Variants in KNG1 observed in about 807,000 individuals in gnomAD.
KNG1 encodes the protein kininogen-1.
A neutral mutation model predicts 47.8 loss-of-function variants in KNG1; 23 were observed. The ratio of observed to expected loss-of-function variants is 0.48; its 90% CI spans 0.35 to 0.68. KNG1 has a LOEUF of 0.68. Among genes scored for constraint, KNG1 ranks in the 30% least tolerant of loss-of-function variants. The pLI is 0.01. For missense variants in KNG1, 762 were observed against 790.2 expected (o/e 0.96, Z 0.43); for synonymous variants, 277 against 277.0 (o/e 1.00, Z 0.00).
chr3:186,722,661 T>C (rs2108620670), intron 3 of KNG1, 140 bp downstream of exon 3: 2 of 735,234 alleles, frequency 2.7e-6, no homozygotes, highest in South Asian at 3.0e-5. Context: ...GAGCATTGGG[T>C]GGAGCGGCAG....
In KNG1 at chr3:186,735,145, C is replaced by T. The variant is rs1330380365; in HGVS notation, c.930+2471C>T. Among the ~76,000 whole-genome samples, 4 of 152,148 alleles carry T rather than the reference C, an allele frequency of 2.6e-5. No individual in the cohort carries two copies. The East Asian group carries it at 7.7e-4, about 29-fold the overall frequency. ...AGCTTTAACTTCTCACTTTATATTT[C>T]TGCTTTCTTGTGAAATTATTTTATT... On this transcript the variant is annotated intron_variant, in intron 7 of 9. Coordinates refer to ENST00000644859, the MANE Select transcript of KNG1 (RefSeq NM_001102416.3).
At chr3:186,737,146 G>A (rs746007902) in intron 7 of KNG1, among the ~76,000 whole-genome samples, 2 of 152,182 alleles carry the variant, frequency 1.3e-5, no homozygotes, top group Admixed American at 6.5e-5. Context: ...CCAATGCCAC[G>A]TATCATCAAT....
chr3:186,717,920 C>A (rs1177753895), intron 1 of KNG1, 183 bp downstream of exon 1: 140 of 529,496 alleles, frequency 2.6e-4, no homozygotes, highest in Admixed American at 1.2e-3. Context: ...CCACCATCCA[C>A]CACCACCCAC....
chr3:186,723,629 T>C (rs1244653408), intron 3 of KNG1, among the ~76,000 whole-genome samples: 1 of 152,192 alleles, frequency 6.6e-6, no homozygotes, highest in African/African-American at 2.4e-5. Context: ...TACTATTTCA[T>C]TGTGAGTATA....
Position 186,741,540 on chromosome 3 carries a change from C to T in KNG1, c.1144C>T (p.Pro382Ser). 1.2e-6 allele frequency: 2 copies of T among 1,609,948 alleles called. No homozygotes were observed. The highest frequency in any genetic ancestry group is 1.7e-6 in the Non-Finnish European group (2 of 1,178,974). Residue 382 changes from proline to serine, a missense_variant, in exon 10 of 10, where the codon CCT becomes TCT. Pro to Ser is a moderately conservative substitution (Grantham distance 74). Coordinates refer to ENST00000644859, the MANE Select transcript of KNG1 (RefSeq NM_001102416.3). ...TGTTTAGATCTCACTGATGAAAAGG[C>T]CTCCAGGTTTTTCACCTTTCCGATC... is the stretch of plus-strand genomic sequence containing the variant. The part of the protein sequence containing the change: ...PLGMISLMKR[P>S]PGFSPFRSSR...
chr3:186,735,351 C>G (rs1434683908), intron 7 of KNG1, among the ~76,000 whole-genome samples: 1 of 152,152 alleles, frequency 6.6e-6, no homozygotes, highest in African/African-American at 2.4e-5. Flanking sequence ...GGCGTGGTGG[C>G]TCATGCCTGT....
Position 186,727,353 on chromosome 3 carries a change from G to C in KNG1, c.672+9G>C. On this transcript the variant is annotated intron_variant, in intron 5 of 9. Transcript: ENST00000644859. The stretch of plus-strand genomic sequence containing the variant: ...AGTCCCTTTGGAATGGTGTAAGTAG[G>C]CAAAAATTTAATGATAAAGTTCTTA... The C allele has an allele frequency of 2.0e-6, 3 of 1,513,140 alleles. No homozygotes were observed. Among genetic ancestry groups the C allele is most frequent in the Non-Finnish European group, 2.8e-6 (3 of 1,088,242 alleles). The allele number at this position is 1,513,140 out of a possible 1,614,324, so 93.7% of individuals were successfully genotyped here.
intron 2 of KNG1, chr3:186,722,082 A>G (rs1720215768): frequency 5.0e-6 from 1 of 200,170 alleles, no homozygotes; most frequent in African/African-American, 2.6e-5. Flanking sequence ...GCACTGTTGC[A>G]CTCCAGCCTG....
At chr3:186,732,802 T>C in intron 7 of KNG1, 128 bp downstream of exon 7, 1 of 790,682 alleles carries the variant, frequency 1.3e-6, no homozygotes. Context: ...GTGCATTAGA[T>C]TTGGTAAATT....
At chr3:186,726,330 C>T (rs554221282) in intron 4 of KNG1, among the ~76,000 whole-genome samples, 6 of 140,920 alleles carry the variant, frequency 4.3e-5, no homozygotes, top group Non-Finnish European at 9.1e-5. Flanking sequence ...GTTGCCCAGG[C>T]TGGAGGCTGG....
At position 186,742,570 on chromosome 3, in the gene KNG1, A is replaced by G; in HGVS notation, c.*239A>G. 4 of 1,357,750 alleles carry G rather than the reference A, an allele frequency of 2.9e-6. No individual in the cohort carries two copies. The highest frequency in any genetic ancestry group is 3.8e-6 in the Non-Finnish European group (4 of 1,055,436). 84.1% of individuals were successfully genotyped at this position (1,357,750 alleles called of 1,614,324 possible). ...TTCTTCCCAAGTTTTCTAAACTAGC[A>G]CAGTAAACAGACAAACTAATGTGCC... is the stretch of plus-strand genomic sequence containing the variant. On this transcript the variant is annotated 3_prime_UTR_variant, in exon 10 of 10. Transcript: ENST00000644859.
chr3:186,719,967 T>C (rs768528828), intron 1 of KNG1, 138 bp from the exon 2 acceptor site: 2 of 702,800 alleles, frequency 2.8e-6, no homozygotes, highest in South Asian at 1.5e-5. Flanking sequence ...ATGTTTATGA[T>C]AGAAATATAA....
chr3:186,731,734 A>G, intron 6 of KNG1, 105 bp downstream of exon 6: 1 of 740,382 alleles, frequency 1.4e-6, no homozygotes, highest in Non-Finnish European at 2.5e-6. Flanking sequence ...GATATACTCC[A>G]AAGTCTGTGT....
chr3:186,737,805 C>T (rs1478176593), intron 7 of KNG1, among the ~76,000 whole-genome samples: 1 of 152,050 alleles, frequency 6.6e-6, no homozygotes, highest in Admixed American at 6.6e-5. Context: ...GGTGATCTGC[C>T]CGCCTCAGGC....
intron 1 of KNG1, among the ~76,000 whole-genome samples, chr3:186,718,801 A>G (rs1720102799): frequency 6.6e-6 from 1 of 152,222 alleles, no homozygotes; most frequent in African/African-American, 2.4e-5. Flanking sequence ...AGAAGTCTGT[A>G]TGGCTGAATG....
intron 1 of KNG1, among the ~76,000 whole-genome samples, chr3:186,719,220 G>A (rs992385920): frequency 6.6e-6 from 1 of 152,016 alleles, no homozygotes; most frequent in African/African-American, 2.4e-5. Context: ...ACATTAAATT[G>A]TATGCCTTTA....
At position 186,720,784 on chromosome 3, in the gene KNG1, C is replaced by CTTTT. The variant is rs1167537831; in HGVS notation, c.306+589_306+592dup. 7.1e-3 allele frequency among the ~76,000 whole-genome samples: 635 copies of CTTTT among 89,730 alleles called. 69 individuals carry two copies. Among genetic ancestry groups the CTTTT allele is most frequent in the African/African-American group, 0.022 (470 of 21,762 alleles). The allele number at this position is 89,730 out of a possible 152,430, so 58.9% of individuals were successfully genotyped here. A position where few individuals can be genotyped will look rare whatever the true frequency, so the allele number is the denominator to read the frequency against. On this transcript the variant is annotated intron_variant, in intron 2 of 9. Coordinates refer to ENST00000644859, the MANE Select transcript of KNG1 (RefSeq NM_001102416.3). Reference sequence around the variant, plus strand: ...CACACCATAGCTGGTTGTTGTTTTGCTTTTTTTTTTTTTTTTTTTTTTTGA... The same window carrying CTTTT: ...CACACCATAGCTGGTTGTTGTTTTGCTTTTTTTTTTTTTTTTTTTTTTTTTTTGA...
chr3:186,731,824 C>G (rs1467321378), intron 6 of KNG1, among the ~76,000 whole-genome samples, 195 bp downstream of exon 6: 2 of 152,194 alleles, frequency 1.3e-5, no homozygotes, highest in Non-Finnish European at 2.9e-5. Flanking sequence ...TCAGACTGTT[C>G]TTGTCAGAAT....
intron 5 of KNG1, chr3:186,729,105 C>T (rs1720446140): frequency 6.6e-6 from 1 of 152,068 alleles, no homozygotes; most frequent in African/African-American, 2.4e-5. Context: ...AAAATATTTG[C>T]AAATCATGTA....
Sources: gnomAD v4.1 joint callset for allele counts (sites outside exome capture counted in the v4.1 genomes callset) on GRCh38, gnomAD v4.1.1 for gene constraint, MANE v1.5 for transcripts, NCBI Gene and HGNC (gene_info 2026-07-23, HGNC 2026-07-21) for gene names.